The following METTL14 variants were observed in gnomAD, a reference collection of about 807,000 sequenced individuals.
The protein encoded by METTL14 is N(6)-adenosine-methyltransferase non-catalytic subunit METTL14.
Under a neutral mutation model 62.4 loss-of-function variants are expected in METTL14, and 32 were observed. The observed-to-expected ratio is 0.51, with a 90% CI of 0.39 to 0.69. The LOEUF is 0.69. Ranked by LOEUF, METTL14 falls within the 30% of genes least tolerant of loss-of-function variation. METTL14 has a pLI of 0.00. For synonymous variants in METTL14, 150 were observed against 180.0 expected, an observed-to-expected ratio of 0.83 and a Z score of 1.34; for missense variants, 340 against 551.9, an observed-to-expected ratio of 0.62 and a Z score of 3.85.
At chr4:118,707,950 G>C (rs971704785) in intron 10 of METTL14, among the ~76,000 whole-genome samples, 1 of 151,456 alleles carries the variant, frequency 6.6e-6, no homozygotes, top group African/African-American at 2.4e-5. Flanking sequence ...TCAGCCTCCT[G>C]AGTAGCTGGG....
At chr4:118,709,516 A>G (rs1724857713) in intron 10 of METTL14, among the ~76,000 whole-genome samples, 1 of 152,202 alleles carries the variant, frequency 6.6e-6, no homozygotes. Flanking sequence ...GGGTGGCAGC[A>G]GAAATGGAAA....
At position 118,685,421 on chromosome 4, in the gene METTL14, A is replaced by G. The variant is rs1724011372; in HGVS notation, c.-114A>G. ...CTCTACTGAGGAAAGCTATGAGGAT[A>G]CTCTGTTCGTAAGCTCCCGGTGAAT... On this transcript the variant is annotated 5_prime_UTR_variant, in exon 1 of 11. In the 5' UTR this introduces an upstream ATG that the reference lacks. Coordinates refer to ENST00000388822, the MANE Select transcript of METTL14 (RefSeq NM_020961.4). The G allele has an allele frequency of 2.9e-6, 3 of 1,050,164 alleles. No individual in the cohort carries two copies. Among genetic ancestry groups the G allele is most frequent in the South Asian group, 1.3e-5 (1 of 76,524 alleles). The allele number at this position is 1,050,164 out of a possible 1,614,324, so 65.1% of individuals were successfully genotyped here.
At chr4:118,705,298 G>A (rs1041081012) in intron 9 of METTL14, among the ~76,000 whole-genome samples, 7 of 151,994 alleles carry the variant, frequency 4.6e-5, no homozygotes, top group African/African-American at 1.2e-4. Flanking sequence ...AACATGGCGA[G>A]ACCCTGTCTT....
At chr4:118,686,815 C>CCTG in intron 1 of METTL14, 2 of 327,918 alleles carry the variant, frequency 6.1e-6, no homozygotes, top group South Asian at 2.6e-5. Context: ...GTGTTTTACA[C>CCTG]TCAGCAGATG....
intron 7 of METTL14, among the ~76,000 whole-genome samples, chr4:118,699,997 C>T (rs1393847151): frequency 1.3e-5 from 2 of 151,702 alleles, no homozygotes; most frequent in African/African-American, 4.8e-5. Flanking sequence ...AAAGTACCAA[C>T]ACTTAACTTT....
chr4:118,687,253 C>A (rs1223006771), intron 1 of METTL14, among the ~76,000 whole-genome samples: 1 of 152,074 alleles, frequency 6.6e-6, no homozygotes, highest in Non-Finnish European at 1.5e-5. Flanking sequence ...GTTGAGCATG[C>A]CAAATACCAA....
intron 6 of METTL14, 67 bp downstream of exon 6, chr4:118,694,593 A>T (rs1390472980): frequency 3.4e-6 from 4 of 1,182,168 alleles, no homozygotes; most frequent in Non-Finnish European, 5.0e-6. Flanking sequence ...TGTTTATCCT[A>T]TAACCTTTTT....
chr4:118,688,324 C>A (rs1724138902), intron 2 of METTL14, among the ~76,000 whole-genome samples: 1 of 151,936 alleles, frequency 6.6e-6, no homozygotes, highest in African/African-American at 2.4e-5. Flanking sequence ...GTAATCCCCG[C>A]TACTCGGGAG....
At position 118,696,699 on chromosome 4, in the gene METTL14, A is replaced by C. The variant is rs114089774; in HGVS notation, c.504-483A>C. The stretch of plus-strand genomic sequence containing the variant: ...GACTCTTAATAGAAACATTTTTACT[A>C]ATGAAAAAACTAATAAAAGAAAACT... On this transcript the variant is annotated intron_variant, in intron 6 of 10. Coordinates refer to ENST00000388822, the MANE Select transcript of METTL14 (RefSeq NM_020961.4). 6.0e-3 allele frequency among the ~76,000 whole-genome samples: 918 copies of C among 152,256 alleles called. 13 individuals carry two copies. Among genetic ancestry groups the C allele is most frequent in the African/African-American group, 0.021 (860 of 41,542 alleles).
chr4:118,696,208 G>C (rs775107297), intron 6 of METTL14, among the ~76,000 whole-genome samples: 9 of 149,934 alleles, frequency 6.0e-5, no homozygotes, highest in Non-Finnish European at 1.3e-4. Flanking sequence ...GGAAGTCTAA[G>C]TATACTCTAA....
In METTL14 at chr4:118,694,488, A is replaced by G. The variant is rs1006122729; in HGVS notation, c.465A>G (p.Leu155=). 50 of 1,613,236 alleles carry G rather than the reference A, an allele frequency of 3.1e-5. No individual in the cohort carries two copies. Among genetic ancestry groups the G allele is most frequent in the African/African-American group, 5.3e-5 (4 of 74,936 alleles). ...EYPKLRELIR[L]KDELIAKSNT... Reference sequence around the variant, plus strand: ...CTAAACTGAGGGAGCTCATCAGGCTAAAGGATGAGTTAATAGCTAAATCTA... The same window carrying G: ...CTAAACTGAGGGAGCTCATCAGGCTGAAGGATGAGTTAATAGCTAAATCTA... The change falls in exon 6 of 11, where the codon CTA becomes CTG. Residue 155 remains leucine (L), a synonymous_variant. Transcript: ENST00000388822.
At chr4:118,706,847 T>C (rs1039284431) in intron 10 of METTL14, among the ~76,000 whole-genome samples, 12 of 152,220 alleles carry the variant, frequency 7.9e-5, no homozygotes, top group African/African-American at 2.4e-4. Context: ...AGAACCTCTT[T>C]TCATATGCTT....
intron 7 of METTL14, 118 bp from the exon 8 acceptor site, chr4:118,700,432 G>T: frequency 1.4e-6 from 1 of 717,864 alleles, no homozygotes; most frequent in South Asian, 2.0e-5. Flanking sequence ...GTTCCTAATG[G>T]AAACTAATAC....
chr4:118,703,713 T>C (rs1724674434), intron 8 of METTL14, among the ~76,000 whole-genome samples: 1 of 152,228 alleles, frequency 6.6e-6, no homozygotes, highest in Non-Finnish European at 1.5e-5. Flanking sequence ...ACTATATATA[T>C]GACATTGATA....
intron 3 of METTL14, among the ~76,000 whole-genome samples, chr4:118,690,640 A>G (rs919751663): frequency 6.6e-6 from 1 of 151,074 alleles, no homozygotes; most frequent in African/African-American, 2.4e-5. Flanking sequence ...AGACCATGCC[A>G]CTGCACTCCA....
At chr4:118,685,770 C>T (rs1473597585) in intron 1 of METTL14, among the ~76,000 whole-genome samples, 170 bp downstream of exon 1, 2 of 152,132 alleles carry the variant, frequency 1.3e-5, no homozygotes, top group Non-Finnish European at 2.9e-5. Flanking sequence ...TCAATTTTCG[C>T]GGTGTCCCGA....
intron 10 of METTL14, among the ~76,000 whole-genome samples, chr4:118,708,068 G>A (rs1341646446): frequency 6.6e-6 from 1 of 152,098 alleles, no homozygotes; most frequent in Non-Finnish European, 1.5e-5. Flanking sequence ...CCAAGTGATC[G>A]CCCGCCTTGG....
At position 118,714,114 on chromosome 4, in the gene METTL14, A is replaced by G. The variant is rs535666533; in HGVS notation, c.*3812A>G. 2 of 152,360 alleles carry G rather than the reference A, an allele frequency of 1.3e-5. No individual in the cohort carries two copies. Among genetic ancestry groups the G allele is most frequent in the South Asian group, 4.1e-4 (2 of 4,832 alleles). The allele number at this position is 152,360 out of a possible 1,614,324, so 9.4% of individuals were successfully genotyped here. A position where few individuals can be genotyped will look rare whatever the true frequency, so the allele number is the denominator to read the frequency against. On this transcript the variant is annotated 3_prime_UTR_variant, in exon 11 of 11. Transcript: ENST00000388822. Reference sequence around the variant, plus strand: ...CCTAGAAGTCAACAATGTAAAATGCATATGGGACTCTATATTAATAGAGAA... The same window carrying G: ...CCTAGAAGTCAACAATGTAAAATGCGTATGGGACTCTATATTAATAGAGAA...
In METTL14 at chr4:118,685,549, G is replaced by T. The variant is rs1724020126; in HGVS notation, c.15G>T (p.Leu5Phe). MDSR[L>F]QEIRERQKLR... ...GGAGTTGGAACATGGATAGCCGCTT[G>T]CAGGAGATCCGGGAGCGGCAGAAGT... The change falls in exon 1 of 11, where the codon TTG becomes TTT. Residue 5 changes from leucine (L) to phenylalanine (F), a missense_variant. This residue lies in a region of METTL14 where 111 missense variants were observed against 116.6 expected (regional missense o/e 0.95). Coordinates refer to ENST00000388822, the MANE Select transcript of METTL14 (RefSeq NM_020961.4). 6.2e-7 allele frequency: 1 copy of T among 1,614,170 alleles called. No individual in the cohort carries two copies. The highest frequency in any genetic ancestry group is 8.5e-7 in the Non-Finnish European group (1 of 1,180,018).
Sources: allele counts gnomAD v4.1 joint callset (sites outside exome capture counted in the v4.1 genomes callset), GRCh38; gene constraint gnomAD v4.1.1; regional missense constraint gnomAD v4.1.1; transcripts MANE v1.5; gene names NCBI Gene and HGNC (gene_info 2026-07-23, HGNC 2026-07-21).